The following PIP5K1B variants were observed in gnomAD, a reference collection of about 807,000 sequenced individuals.
The protein encoded by PIP5K1B is phosphatidylinositol 4-phosphate 5-kinase type-1 beta.
Under a neutral mutation model 67.0 loss-of-function variants are expected in PIP5K1B, and 42 were observed. The observed-to-expected ratio is 0.63, with a 90% CI of 0.49 to 0.81. The LOEUF is 0.81. Among genes scored for constraint, PIP5K1B ranks in the 30% least tolerant of loss-of-function variants. The pLI is 0.00. For synonymous variants in PIP5K1B, 214 were observed against 231.4 expected (o/e 0.92, Z 0.68); for missense variants, 459 against 646.3 (o/e 0.71, Z 3.14).
intron 4 of PIP5K1B, among the ~76,000 whole-genome samples, chr9:68,835,840 T>TTC (rs945279225): frequency 6.6e-6 from 1 of 151,344 alleles, no homozygotes; most frequent in African/African-American, 2.4e-5. Context: ...AAAGTGAATT[T>TTC]TTTTTTTTTT....
intron 2 of PIP5K1B, chr9:68,781,480 A>C (rs1305895955): frequency 5.7e-6 from 1 of 174,322 alleles, no homozygotes; most frequent in Non-Finnish European, 1.4e-5. Context: ...TTTGATGAAG[A>C]ACTATACAGC....
At chr9:68,989,695 G>T (rs1830273381) in intron 14 of PIP5K1B, among the ~76,000 whole-genome samples, 1 of 152,066 alleles carries the variant, frequency 6.6e-6, no homozygotes, top group Non-Finnish European at 1.5e-5. Context: ...TAAAAATGGA[G>T]CAAGCTGGGC....
At chr9:68,908,488 ATC>A (rs1354142576) in intron 8 of PIP5K1B, among the ~76,000 whole-genome samples, 1 of 151,954 alleles carries the variant, frequency 6.6e-6, no homozygotes. Context: ...CAAGTTCTAA[ATC>A]ACGGCATACA....
At chr9:68,902,200 G>A (rs1825398955) in intron 8 of PIP5K1B, among the ~76,000 whole-genome samples, 1 of 152,146 alleles carries the variant, frequency 6.6e-6, no homozygotes, top group Non-Finnish European at 1.5e-5. Context: ...CACCACCTTG[G>A]TCAAGTACAG....
chr9:68,781,021 C>T, intron 2 of PIP5K1B: 7 of 1,612,168 alleles, frequency 4.3e-6, no homozygotes, highest in Non-Finnish European at 5.9e-6. Flanking sequence ...GAACTTTCGT[C>T]TAAGTGATTC....
chr9:68,969,536 G>GC (rs1829243816), intron 14 of PIP5K1B, among the ~76,000 whole-genome samples: 1 of 151,414 alleles, frequency 6.6e-6, no homozygotes, highest in Admixed American at 6.6e-5. Context: ...AGTACTAGGG[G>GC]AAGAAAAAAA....
At chr9:69,007,415 A>G (rs1391019753) in intron 15 of PIP5K1B, among the ~76,000 whole-genome samples, 1 of 152,224 alleles carries the variant, frequency 6.6e-6, no homozygotes, top group African/African-American at 2.4e-5. Context: ...TGATTTGTGT[A>G]TATCGTGTGT....
intron 14 of PIP5K1B, among the ~76,000 whole-genome samples, chr9:68,972,548 G>A (rs1215373268): frequency 7.9e-5 from 12 of 152,312 alleles, no homozygotes; most frequent in Admixed American, 7.2e-4. Flanking sequence ...GCGTAAGGCA[G>A]GAGAATCACT....
intron 2 of PIP5K1B, chr9:68,780,245 C>G: frequency 6.5e-7 from 1 of 1,542,440 alleles, no homozygotes; most frequent in Non-Finnish European, 8.7e-7. Flanking sequence ...GTGGCAGCGG[C>G]GGCGGCGGGG....
intron 2 of PIP5K1B, chr9:68,780,693 A>T: frequency 6.2e-7 from 1 of 1,614,264 alleles, no homozygotes; most frequent in Non-Finnish European, 8.5e-7. Context: ...CCCTATTCCC[A>T]GCCCAACGAC....
chr9:68,782,271 G>A (rs75064770), intron 2 of PIP5K1B: 21,309 of 167,086 alleles, frequency 0.13, 1,490 homozygotes, highest in Non-Finnish European at 0.16. Flanking sequence ...AGTTAATTAA[G>A]GGGTGATGAT....
chr9:68,913,247 C>T (rs1414954), intron 8 of PIP5K1B, among the ~76,000 whole-genome samples: 14,325 of 152,140 alleles, frequency 0.094, 876 homozygotes, highest in Non-Finnish European at 0.14. Context: ...CAGAGCTAGA[C>T]GGAAAGGCAC....
intron 8 of PIP5K1B, among the ~76,000 whole-genome samples, chr9:68,897,806 C>G (rs1047865848): frequency 2.6e-5 from 4 of 151,962 alleles, no homozygotes; most frequent in Non-Finnish European, 4.4e-5. Context: ...TCTTGGCGCC[C>G]CCACCTCTCC....
At chr9:68,721,017 T>A (rs1827855447) in intron 1 of PIP5K1B, among the ~76,000 whole-genome samples, 1 of 152,174 alleles carries the variant, frequency 6.6e-6, no homozygotes, top group African/African-American at 2.4e-5. Flanking sequence ...CATGACATCA[T>A]GAAGCTTGTT....
intron 8 of PIP5K1B, among the ~76,000 whole-genome samples, chr9:68,902,555 A>G (rs1207441408): frequency 6.6e-6 from 1 of 152,240 alleles, no homozygotes; most frequent in Non-Finnish European, 1.5e-5. Context: ...AGTGTTACAA[A>G]TAAAGCTGCT....
intron 14 of PIP5K1B, among the ~76,000 whole-genome samples, chr9:68,979,032 C>A (rs1829767375): frequency 6.6e-6 from 1 of 152,178 alleles, no homozygotes; most frequent in South Asian, 2.1e-4. Flanking sequence ...TTGATGAAAT[C>A]AAATAATCAA....
chr9:68,922,460 C>CAAAAAAAAGAAAAAA (rs1554738182), intron 11 of PIP5K1B, among the ~76,000 whole-genome samples: 2 of 128,258 alleles, frequency 1.6e-5, no homozygotes, highest in Non-Finnish European at 3.3e-5. Flanking sequence ...GACTCTGTCT[C>CAAAAAAAAGAAAAAA]AAAAAAAAAG....
chr9:68,983,495 A>T (rs556919273), intron 14 of PIP5K1B, among the ~76,000 whole-genome samples: 1 of 152,020 alleles, frequency 6.6e-6, no homozygotes, highest in Non-Finnish European at 1.5e-5. Context: ...TGACCAACAT[A>T]ATACATATTT....
At chr9:68,951,744 A>G (rs758349481) in intron 14 of PIP5K1B, among the ~76,000 whole-genome samples, 4 of 152,226 alleles carry the variant, frequency 2.6e-5, no homozygotes, top group Non-Finnish European at 5.9e-5. Context: ...TTTTTGTAAC[A>G]AAACTCTATG....
Sources: gnomAD v4.1 joint callset for allele counts (sites outside exome capture counted in the v4.1 genomes callset) on GRCh38, gnomAD v4.1.1 for gene constraint, MANE v1.5 for transcripts, NCBI Gene and HGNC (gene_info 2026-07-23, HGNC 2026-07-21) for gene names.